ROR1: variants seen among roughly 807,000 people sequenced by gnomAD.
ROR1 encodes the protein inactive tyrosine-protein kinase transmembrane receptor ROR1.
In ROR1, 19 loss-of-function variants were observed where a neutral mutation model predicts 78.8. That is an observed-to-expected ratio of 0.24 (90% CI 0.17 to 0.35). The LOEUF is 0.35. Among genes scored for constraint, ROR1 ranks in the 10% least tolerant of loss-of-function variants. ROR1 has a pLI of 1.00. For synonymous variants in ROR1, 386 were observed against 433.6 expected (o/e 0.89, Z 1.36); for missense variants, 917 against 1,177.8 (o/e 0.78, Z 3.24).
chr1:63,835,699 A>G (rs989077557), intron 1 of ROR1, among the ~76,000 whole-genome samples: 2 of 152,258 alleles, frequency 1.3e-5, no homozygotes, highest in African/African-American at 4.8e-5. Context: ...CTCATAGTGC[A>G]GTAAAATATA....
intron 2 of ROR1, among the ~76,000 whole-genome samples, chr1:64,010,354 G>A (rs1488279027): frequency 6.7e-6 from 1 of 148,588 alleles, no homozygotes; most frequent in Non-Finnish European, 1.5e-5. Context: ...TTGTAGGAGG[G>A]TTTCTATCTT....
At chr1:63,841,034 C>T (rs1645046631) in intron 1 of ROR1, among the ~76,000 whole-genome samples, 1 of 152,130 alleles carries the variant, frequency 6.6e-6, no homozygotes, top group African/African-American at 2.4e-5. Flanking sequence ...ATGAGTATTT[C>T]TATGAGTATT....
chr1:64,063,484 C>T (rs1172626864), intron 4 of ROR1, among the ~76,000 whole-genome samples: 2 of 152,190 alleles, frequency 1.3e-5, no homozygotes, highest in South Asian at 2.1e-4. Context: ...GTGGAATGTG[C>T]AGGTTTCTTC....
intron 1 of ROR1, among the ~76,000 whole-genome samples, chr1:63,884,436 A>G (rs1208349053): frequency 6.6e-6 from 1 of 152,066 alleles, no homozygotes; most frequent in Admixed American, 6.6e-5. Flanking sequence ...CTGAAAGGGA[A>G]CTCAGAGGTC....
At chr1:64,074,317 C>A (rs1647032214) in intron 4 of ROR1, among the ~76,000 whole-genome samples, 1 of 152,144 alleles carries the variant, frequency 6.6e-6, no homozygotes, top group Non-Finnish European at 1.5e-5. Flanking sequence ...TCAGCTTCTG[C>A]AAGGTGGAGT....
At chr1:63,963,590 A>AC (rs913980350) in intron 1 of ROR1, among the ~76,000 whole-genome samples, 178 of 151,286 alleles carry the variant, frequency 1.2e-3, no homozygotes, top group African/African-American at 4.1e-3. Flanking sequence ...ACAAAACAAA[A>AC]AAAAAAACAA....
chr1:64,119,020 G>GT (rs1428737771), intron 4 of ROR1, among the ~76,000 whole-genome samples: 1 of 152,016 alleles, frequency 6.6e-6, no homozygotes, highest in Non-Finnish European at 1.5e-5. Context: ...TCTGGCTGGC[G>GT]TAACCCAAGG....
chr1:64,043,344 A>G (rs981692857), intron 2 of ROR1, among the ~76,000 whole-genome samples: 2 of 152,246 alleles, frequency 1.3e-5, no homozygotes, highest in Admixed American at 6.5e-5. Flanking sequence ...CGTTTATTAA[A>G]TGCCTATGAA....
At position 63,924,935 on chromosome 1, in the gene ROR1, T is replaced by C. The variant is rs1039652647; in HGVS notation, c.92-84370T>C. Among the ~76,000 whole-genome samples the C allele has an allele frequency of 2.2e-3, 307 of 138,018 alleles. 2 individuals are homozygous for C. The highest frequency in any genetic ancestry group is 0.012 in the Admixed American group (171 of 14,578). The allele number at this position is 138,018 out of a possible 152,430, so 90.5% of individuals were successfully genotyped here. On this transcript the variant is annotated intron_variant, in intron 1 of 8. Transcript: ENST00000371079. ...GATTGGACCAGCAAAGGGGATGCTT[T>C]TTTTTTTTTTTTTTTTTTTTTAAGA... is the stretch of plus-strand genomic sequence containing the variant.
intron 5 of ROR1, 78 bp downstream of exon 5, chr1:64,137,574 T>C: frequency 1.4e-6 from 2 of 1,421,774 alleles, no homozygotes; most frequent in Non-Finnish European, 1.9e-6. Context: ...AGCTCCTCTC[T>C]TGACAAAGGA....
intron 4 of ROR1, among the ~76,000 whole-genome samples, chr1:64,067,743 C>G (rs1200554907): frequency 8.6e-6 from 1 of 116,132 alleles, no homozygotes; most frequent in African/African-American, 3.8e-5. Context: ...GACGGAGTCT[C>G]GCTCTGTCAC....
chr1:63,808,045 C>T lies in ROR1; in HGVS notation c.91+33537C>T, dbSNP rs544939041. 7.1e-4 allele frequency among the ~76,000 whole-genome samples: 108 copies of T among 152,174 alleles called. No individual in the cohort carries two copies. In the South Asian group the frequency reaches 0.013, roughly 18 times the overall value. ...TTTCCCTCTCCTTCTCTCTTTCTTC[C>T]TCTTCCTCCAACTCCTACTCTCCTT... On this transcript the variant is annotated intron_variant, in intron 1 of 8. Transcript: ENST00000371079.
chr1:63,821,067 C>T (rs555014259), intron 1 of ROR1, among the ~76,000 whole-genome samples: 3 of 152,266 alleles, frequency 2.0e-5, no homozygotes, highest in African/African-American at 4.8e-5. Context: ...CACTTTGCAT[C>T]CACACAGCCC....
chr1:64,158,897 G>C (rs1649851920), intron 7 of ROR1, 84 bp from the exon 8 acceptor site: 7 of 978,500 alleles, frequency 7.2e-6, no homozygotes, highest in Non-Finnish European at 1.1e-5. Context: ...TAGAAGAGGT[G>C]GTTCATTTTA....
intron 4 of ROR1, among the ~76,000 whole-genome samples, chr1:64,135,977 C>G (rs1649087264): frequency 6.6e-6 from 1 of 152,112 alleles, no homozygotes; most frequent in South Asian, 2.1e-4. Context: ...TTCTAGACTC[C>G]TACGCTAGAC....
chr1:63,930,454 T>G (rs1388148940), intron 1 of ROR1, among the ~76,000 whole-genome samples: 1 of 152,214 alleles, frequency 6.6e-6, no homozygotes, highest in East Asian at 1.9e-4. Flanking sequence ...CTTTCTGTCC[T>G]TGAGCCCCAT....
chr1:63,856,446 G>A (rs1475556814), intron 1 of ROR1, among the ~76,000 whole-genome samples: 1 of 152,122 alleles, frequency 6.6e-6, no homozygotes, highest in Non-Finnish European at 1.5e-5. Flanking sequence ...CTGGGTAGTT[G>A]CCACACATGT....
At chr1:63,934,420 T>C (rs1207153997) in intron 1 of ROR1, among the ~76,000 whole-genome samples, 1 of 152,120 alleles carries the variant, frequency 6.6e-6, no homozygotes, top group Non-Finnish European at 1.5e-5. Context: ...ATCAAAATGG[T>C]ATCAGACCCA....
intron 2 of ROR1, among the ~76,000 whole-genome samples, chr1:64,040,938 T>C (rs1028755407): frequency 6.6e-6 from 1 of 152,208 alleles, no homozygotes; most frequent in Non-Finnish European, 1.5e-5. Flanking sequence ...AACCTGCTCC[T>C]GGGGTAAAAA....
Sources: allele counts gnomAD v4.1 joint callset (sites outside exome capture counted in the v4.1 genomes callset), GRCh38; gene constraint gnomAD v4.1.1; transcripts MANE v1.5; gene names NCBI Gene and HGNC (gene_info 2026-07-23, HGNC 2026-07-21).